The following LRRC69 variants were observed in gnomAD, a reference collection of about 807,000 sequenced individuals.
The protein encoded by LRRC69 is leucine rich repeat containing 69.
A neutral mutation model predicts 37.8 loss-of-function variants in LRRC69; 42 were observed. The observed-to-expected ratio is 1.11, with a 90% CI of 0.87 to 1.44. The LOEUF (loss-of-function observed/expected upper bound fraction) is 1.44, where lower values mean the gene tolerates loss of function less well. LRRC69 is among the 40% of genes most tolerant of loss of function. The pLI is 0.00. For missense variants in LRRC69, 357 were observed against 401.9 expected, an observed-to-expected ratio of 0.89 and a Z score of 0.96; for synonymous variants, 141 against 143.1, an observed-to-expected ratio of 0.99 and a Z score of 0.11.
chr8:91,151,438 G>A (rs1808735407), intron 5 of LRRC69, among the ~76,000 whole-genome samples: 1 of 151,830 alleles, frequency 6.6e-6, no homozygotes, highest in Non-Finnish European at 1.5e-5. Flanking sequence ...TGATTGCACT[G>A]TGGTCTGAGG....
intron 5 of LRRC69, among the ~76,000 whole-genome samples, chr8:91,164,272 A>T (rs973364200): frequency 4.0e-5 from 6 of 150,814 alleles, no homozygotes; most frequent in African/African-American, 1.5e-4. Flanking sequence ...TCTAGAATAT[A>T]ATGAGGGTTA....
chr8:91,211,537 T>G (rs1399112962), intron 7 of LRRC69, among the ~76,000 whole-genome samples: 1 of 150,028 alleles, frequency 6.7e-6, no homozygotes, highest in Non-Finnish European at 1.5e-5. Flanking sequence ...ACCACACTGG[T>G]AAGGAATTGC....
intron 1 of LRRC69, among the ~76,000 whole-genome samples, 160 bp from the exon 2 acceptor site, chr8:91,124,329 CTTTG>C (rs74526672): frequency 0.079 from 12,073 of 151,920 alleles, 783 homozygotes; most frequent in African/African-American, 0.18. Flanking sequence ...CTCAAATGAA[CTTTG>C]TTTGTAAAGA....
intron 1 of LRRC69, among the ~76,000 whole-genome samples, chr8:91,112,580 T>G (rs1813426883): frequency 6.6e-6 from 1 of 151,940 alleles, no homozygotes. Flanking sequence ...ATAGAAGCAA[T>G]TTACCTTAAC....
At chr8:91,178,111 G>A (rs896443389) in intron 5 of LRRC69, among the ~76,000 whole-genome samples, 4 of 152,158 alleles carry the variant, frequency 2.6e-5, no homozygotes, top group African/African-American at 9.7e-5. Context: ...GCCTCCCAAA[G>A]TGCTGGGATT....
At chr8:91,155,542 A>G (rs1808818467) in intron 5 of LRRC69, among the ~76,000 whole-genome samples, 1 of 150,868 alleles carries the variant, frequency 6.6e-6, no homozygotes, top group African/African-American at 2.4e-5. Context: ...ATTACTAACT[A>G]TAGTCACCCT....
chr8:91,150,509 G>A (rs1808713409), intron 5 of LRRC69, among the ~76,000 whole-genome samples: 1 of 151,872 alleles, frequency 6.6e-6, no homozygotes, highest in Non-Finnish European at 1.5e-5. Flanking sequence ...GAGGATTTTT[G>A]CGTCAATGTT....
At chr8:91,132,466 A>T (rs1256105615) in intron 3 of LRRC69, among the ~76,000 whole-genome samples, 1 of 151,954 alleles carries the variant, frequency 6.6e-6, no homozygotes, top group Non-Finnish European at 1.5e-5. Flanking sequence ...AAGTTCTTTT[A>T]TTCAGGGCCA....
At chr8:91,123,264 A>G (rs1456090952) in intron 1 of LRRC69, among the ~76,000 whole-genome samples, 2 of 152,104 alleles carry the variant, frequency 1.3e-5, no homozygotes, top group Admixed American at 1.3e-4. Context: ...AATTTTTTAT[A>G]GCAGTTATAG....
At chr8:91,162,582 T>C (rs1026453568) in intron 5 of LRRC69, among the ~76,000 whole-genome samples, 1 of 151,340 alleles carries the variant, frequency 6.6e-6, no homozygotes, top group Admixed American at 6.6e-5. Flanking sequence ...TCCTGCTCAC[T>C]TTTGTTTTCC....
At chr8:91,104,068 A>C (rs1813266082) in intron 1 of LRRC69, among the ~76,000 whole-genome samples, 1 of 151,956 alleles carries the variant, frequency 6.6e-6, no homozygotes, top group South Asian at 2.1e-4. Context: ...TATTTTTGGC[A>C]TCATTTTTCT....
chr8:91,180,971 G>GA lies in LRRC69; in HGVS notation c.652-8545dup, dbSNP rs541093212. ...AGAAAATAAAATAAAATACCTCTAG[G>GA]AAAAAATCTCTGGAATCAGTCAAAA... is the stretch of plus-strand genomic sequence containing the variant. On this transcript the variant is annotated intron_variant, in intron 5 of 7. Transcript: ENST00000448384. 4.2e-3 allele frequency among the ~76,000 whole-genome samples: 629 copies of GA among 151,496 alleles called. 3 individuals are homozygous for GA. Among genetic ancestry groups the GA allele is most frequent in the Non-Finnish European group, 6.3e-3 (425 of 67,986 alleles).
At chr8:91,152,846 A>G (rs1257165855) in intron 5 of LRRC69, among the ~76,000 whole-genome samples, 4 of 151,164 alleles carry the variant, frequency 2.6e-5, no homozygotes, top group Admixed American at 1.3e-4. Context: ...AGCTAGCATC[A>G]TGATGACATT....
At chr8:91,142,638 C>G (rs1808550164) in intron 5 of LRRC69, among the ~76,000 whole-genome samples, 1 of 151,992 alleles carries the variant, frequency 6.6e-6, no homozygotes, top group Non-Finnish European at 1.5e-5. Context: ...GGCTGGGGAT[C>G]CCACAGGTTT....
At chr8:91,137,009 A>G (rs1006279610) in intron 5 of LRRC69, among the ~76,000 whole-genome samples, 7 of 152,062 alleles carry the variant, frequency 4.6e-5, no homozygotes, top group African/African-American at 1.2e-4. Flanking sequence ...TATTACTGCA[A>G]TGAGCATGGG....
At chr8:91,210,562 G>GACAC (rs35968986) in intron 7 of LRRC69, among the ~76,000 whole-genome samples, 7,212 of 146,092 alleles carry the variant, frequency 0.049, 504 homozygotes, top group African/African-American at 0.16. Flanking sequence ...CACACACACA[G>GACAC]ACACACACAC....
At chr8:91,152,271 A>C (rs1014375023) in intron 5 of LRRC69, among the ~76,000 whole-genome samples, 3 of 151,380 alleles carry the variant, frequency 2.0e-5, no homozygotes, top group Non-Finnish European at 4.4e-5. Context: ...TTTTGGTTTT[A>C]TATTTAAGTC....
chr8:91,124,000 A>G (rs534710693), intron 1 of LRRC69, among the ~76,000 whole-genome samples: 10 of 152,056 alleles, frequency 6.6e-5, no homozygotes, highest in African/African-American at 2.4e-4. Context: ...GAGCCCACAC[A>G]GCCTGCAGTA....
chr8:91,168,582 G>A (rs1586261534), intron 5 of LRRC69, among the ~76,000 whole-genome samples: 1 of 151,936 alleles, frequency 6.6e-6, no homozygotes, highest in Non-Finnish European at 1.5e-5. Context: ...GGACTGTAAA[G>A]TGCAAGCACG....
Sources: gnomAD v4.1 joint callset for allele counts (sites outside exome capture counted in the v4.1 genomes callset) on GRCh38, gnomAD v4.1.1 for gene constraint, MANE v1.5 for transcripts, NCBI Gene and HGNC (gene_info 2026-07-23, HGNC 2026-07-21) for gene names.